The following SLC35A1 variants were observed in gnomAD, a reference collection of about 807,000 sequenced individuals.
The protein encoded by SLC35A1 is solute carrier family 35 member A1, also known as CMP-sialic acid transporter.
SLC35A1 carries 21 observed loss-of-function variants against 40.3 expected under a neutral mutation model. The ratio of observed to expected loss-of-function variants is 0.52; its 90% confidence interval spans 0.37 to 0.75. The LOEUF is 0.75. SLC35A1 is among the 30% of genes least tolerant of loss of function. SLC35A1 has a pLI of 0.00. For synonymous variants in SLC35A1, 146 were observed against 147.3 expected (o/e 0.99, Z 0.06); for missense variants, 297 against 382.1 (o/e 0.78, Z 1.86).
At chr6:87,498,479 T>C in intron 2 of SLC35A1, among the ~76,000 whole-genome samples, 1 of 152,114 alleles carries the variant, frequency 6.6e-6, no homozygotes, top group Non-Finnish European at 1.5e-5. Flanking sequence ...CTTTATACTC[T>C]ATTTAAGATG....
At chr6:87,506,749 C>G (rs186181141) in intron 5 of SLC35A1, 2 of 346,802 alleles carry the variant, frequency 5.8e-6, no homozygotes, top group East Asian at 1.3e-4. Flanking sequence ...GGAAATTAGT[C>G]TTCAGAAAGC....
At chr6:87,491,216 C>CAAAGGGCTCT (rs974699653) in intron 2 of SLC35A1, among the ~76,000 whole-genome samples, 1 of 152,112 alleles carries the variant, frequency 6.6e-6, no homozygotes, top group African/African-American at 2.4e-5. Context: ...ACCTGAAATC[C>CAAAGGGCTCT]AAAGGGCTCT....
rs1301725036 is a variant in SLC35A1, at chr6:87,500,542, T to C, written c.229T>C (p.Leu77=). 2 of 1,614,078 alleles carry C rather than the reference T, an allele frequency of 1.2e-6. No individual in the cohort carries two copies. The highest frequency in any genetic ancestry group is 1.7e-6 in the Non-Finnish European group (2 of 1,179,994). The change falls in exon 3 of 8, where the codon TTA becomes CTA. Residue 77 remains leucine, a synonymous_variant. Coordinates refer to ENST00000369552, the MANE Select transcript of SLC35A1 (RefSeq NM_006416.5). ...TAGTCTGGGTAGATTCAAAGCATCT[T>C]TAAGAGAAAATGTCTTGGGGAGCCC... ...TGSLGRFKAS[L]RENVLGSPKE...
At chr6:87,486,836 A>G (rs927938079) in intron 2 of SLC35A1, among the ~76,000 whole-genome samples, 2 of 152,144 alleles carry the variant, frequency 1.3e-5, no homozygotes, top group African/African-American at 4.8e-5. Context: ...CAGTAGTAGT[A>G]TGGACCTGTT....
intron 2 of SLC35A1, among the ~76,000 whole-genome samples, chr6:87,480,489 A>G (rs898265108): frequency 3.9e-5 from 6 of 152,218 alleles, no homozygotes; most frequent in African/African-American, 1.4e-4. Flanking sequence ...ATACCCTGTC[A>G]ATAGCTATGG....
At chr6:87,475,261 A>G (rs57987411) in intron 1 of SLC35A1, among the ~76,000 whole-genome samples, 2 of 152,378 alleles carry the variant, frequency 1.3e-5, no homozygotes, top group African/African-American at 4.8e-5. Flanking sequence ...TACATTTTTT[A>G]TCAACCATTT....
intron 2 of SLC35A1, among the ~76,000 whole-genome samples, chr6:87,477,908 C>A (rs138348783): frequency 1.3e-5 from 2 of 152,304 alleles, no homozygotes; most frequent in African/African-American, 4.8e-5. Flanking sequence ...GTAATGGAGA[C>A]TGACTGGCTT....
chr6:87,493,842 A>G (rs1283239936), intron 2 of SLC35A1, among the ~76,000 whole-genome samples: 1 of 98,860 alleles, frequency 1.0e-5, no homozygotes, highest in Admixed American at 1.2e-4. Flanking sequence ...GTTTGTATTT[A>G]ACTTGAGATT....
At chr6:87,507,436 A>G (rs1770120597) in intron 5 of SLC35A1, among the ~76,000 whole-genome samples, 1 of 152,184 alleles carries the variant, frequency 6.6e-6, no homozygotes, top group East Asian at 1.9e-4. Context: ...ACATTTTATT[A>G]GTTCACTCTC....
chr6:87,498,249 C>T (rs1273418669), intron 2 of SLC35A1, among the ~76,000 whole-genome samples: 1 of 152,122 alleles, frequency 6.6e-6, no homozygotes, highest in African/African-American at 2.4e-5. Context: ...GACACATCAT[C>T]AGTGTATGAG....
At chr6:87,498,596 C>T (rs1032442801) in intron 2 of SLC35A1, among the ~76,000 whole-genome samples, 2 of 152,012 alleles carry the variant, frequency 1.3e-5, no homozygotes, top group African/African-American at 4.8e-5. Flanking sequence ...AACATGGAAA[C>T]CCCGTCTCTA....
In SLC35A1 at chr6:87,511,379, ATTT is replaced by A; in HGVS notation, c.887-11_887-9del. ...TAAAGACACACATACAGATAAAGCT[ATTT>A]TTTTTTTTCTTTTCAGCACTCACCT... On this transcript the variant is annotated splice_polypyrimidine_tract_variant and intron_variant, in intron 7 of 7. Coordinates refer to ENST00000369552, the MANE Select transcript of SLC35A1 (RefSeq NM_006416.5). 2 of 1,297,610 alleles carry A rather than the reference ATTT, an allele frequency of 1.5e-6. No homozygotes were observed. The highest frequency in any genetic ancestry group is 2.1e-6 in the Non-Finnish European group (2 of 934,786). 80.4% of individuals were successfully genotyped at this position (1,297,610 alleles called of 1,614,324 possible).
intron 6 of SLC35A1, 74 bp downstream of exon 6, chr6:87,508,670 G>T (rs1428892822): frequency 6.9e-6 from 8 of 1,165,618 alleles, no homozygotes; most frequent in Non-Finnish European, 8.7e-6. Context: ...ATTTTAAGCT[G>T]TTATAACATT....
chr6:87,480,523 A>G (rs1019244100), intron 2 of SLC35A1, among the ~76,000 whole-genome samples: 2 of 152,218 alleles, frequency 1.3e-5, no homozygotes, highest in African/African-American at 4.8e-5. Flanking sequence ...TCCTATTTCT[A>G]CTACTGAGAC....
At chr6:87,473,197 T>C (rs1768968019) in intron 1 of SLC35A1, among the ~76,000 whole-genome samples, 178 bp downstream of exon 1, 1 of 152,168 alleles carries the variant, frequency 6.6e-6, no homozygotes, top group Non-Finnish European at 1.5e-5. Flanking sequence ...CAGCCTGCCT[T>C]CCGCTGCGGC....
intron 1 of SLC35A1, among the ~76,000 whole-genome samples, chr6:87,476,146 T>C (rs1369449907): frequency 2.0e-5 from 3 of 152,144 alleles, no homozygotes; most frequent in Non-Finnish European, 2.9e-5. Flanking sequence ...TGCTCAGATA[T>C]ACTTGCAGGC....
chr6:87,481,147 G>C (rs975997345), intron 2 of SLC35A1, among the ~76,000 whole-genome samples: 1 of 152,154 alleles, frequency 6.6e-6, no homozygotes, highest in Non-Finnish European at 1.5e-5. Context: ...TGGGCGCGGT[G>C]GCTCATGCCT....
At chr6:87,475,254 A>AT (rs1286400836) in intron 1 of SLC35A1, among the ~76,000 whole-genome samples, 4 of 152,210 alleles carry the variant, frequency 2.6e-5, no homozygotes, top group Non-Finnish European at 5.9e-5. Context: ...ATGTTATTAC[A>AT]TTTTTTATCA....
intron 2 of SLC35A1, among the ~76,000 whole-genome samples, chr6:87,498,132 A>G (rs553237548): frequency 6.6e-6 from 1 of 152,304 alleles, no homozygotes; most frequent in East Asian, 1.9e-4. Flanking sequence ...AGGGTTTAGC[A>G]TGAAGAATCT....
Sources: gnomAD v4.1 joint callset for allele counts (sites outside exome capture counted in the v4.1 genomes callset) on GRCh38, gnomAD v4.1.1 for gene constraint, MANE v1.5 for transcripts, NCBI Gene and HGNC (gene_info 2026-07-23, HGNC 2026-07-21) for gene names.